Variants in PDE5A observed in about 807,000 individuals in gnomAD.
PDE5A encodes cGMP-specific 3',5'-cyclic phosphodiesterase.
PDE5A carries 67 observed loss-of-function variants against 110.2 expected under a neutral mutation model. The observed-to-expected ratio is 0.61, with a 90% CI of 0.50 to 0.75. The LOEUF is 0.75. PDE5A is among the 30% of genes least tolerant of loss of function. The probability of loss-of-function intolerance (pLI) is 0.00; values close to 1 mark genes in which losing one functional copy is unlikely to be tolerated. For synonymous variants in PDE5A, 328 were observed against 351.2 expected (o/e 0.93, Z 0.74); for missense variants, 862 against 1,045.1 (o/e 0.82, Z 2.42).
intron 3 of PDE5A, among the ~76,000 whole-genome samples, chr4:119,591,119 G>C (rs1728949299): frequency 1.3e-5 from 2 of 152,190 alleles, no homozygotes; most frequent in African/African-American, 4.8e-5. Flanking sequence ...GACTATGTCA[G>C]GGGCTGTGTT....
At chr4:119,534,152 C>T (rs1488590657) in intron 11 of PDE5A, among the ~76,000 whole-genome samples, 1 of 152,152 alleles carries the variant, frequency 6.6e-6, no homozygotes, top group Non-Finnish European at 1.5e-5. Context: ...ATCAATGTCT[C>T]AATCGATGGT....
In PDE5A at chr4:119,627,116, G is replaced by A; in HGVS notation, c.152+1404C>T. The A allele has an allele frequency of 6.2e-7, 1 of 1,610,042 alleles. No homozygotes were observed. Among genetic ancestry groups the A allele is most frequent in the Non-Finnish European group, 8.5e-7 (1 of 1,177,834 alleles). ...GACCCGCCGCGCCCCCGGAAAAAGT[G>A]GGAAGGGACGTAGGGGGATGCTGAA... is the stretch of plus-strand genomic sequence containing the variant. On this transcript the variant is annotated intron_variant, in intron 1 of 20. Coordinates refer to ENST00000354960, the MANE Select transcript of PDE5A (RefSeq NM_001083.4). This position sits in a 1 kb window ranked among gnomAD's most constrained non-coding sequence, Gnocchi z 4.6.
At chr4:119,546,442 T>C (rs1296996825) in intron 9 of PDE5A, among the ~76,000 whole-genome samples, 2 of 152,152 alleles carry the variant, frequency 1.3e-5, no homozygotes, top group Non-Finnish European at 2.9e-5. Flanking sequence ...CATTTAGACT[T>C]TCTGTTCTGT....
chr4:119,609,584 C>A (rs903704994), intron 1 of PDE5A, among the ~76,000 whole-genome samples: 2 of 152,010 alleles, frequency 1.3e-5, no homozygotes, highest in African/African-American at 4.8e-5. Context: ...AATGATACCC[C>A]ATCTAGAATG....
At chr4:119,502,488 C>A in intron 19 of PDE5A, 93 bp downstream of exon 19, 1 of 706,012 alleles carries the variant, frequency 1.4e-6, no homozygotes. Context: ...AAATTGTGGT[C>A]CTAAGGAAAG....
chr4:119,571,521 A>G (rs1441595418), intron 3 of PDE5A, among the ~76,000 whole-genome samples: 1 of 152,166 alleles, frequency 6.6e-6, no homozygotes, highest in Non-Finnish European at 1.5e-5. Flanking sequence ...TGGAGGCTAG[A>G]AGGGCCAAGA....
At chr4:119,501,114 G>C in intron 20 of PDE5A, 56 bp downstream of exon 20, 1 of 1,024,748 alleles carries the variant, frequency 9.8e-7, no homozygotes, top group Non-Finnish European at 1.5e-6. Flanking sequence ...TTCAATTTTA[G>C]GTTCTAATTC....
intron 1 of PDE5A, among the ~76,000 whole-genome samples, chr4:119,623,093 G>C (rs183932320): frequency 3.6e-4 from 54 of 150,458 alleles, no homozygotes; most frequent in Admixed American, 1.2e-3. Flanking sequence ...TAAGATTACA[G>C]AGCTAAATAT....
chr4:119,522,401 CTT>C (rs1479550015), intron 12 of PDE5A, among the ~76,000 whole-genome samples: 3 of 151,840 alleles, frequency 2.0e-5, no homozygotes, highest in Non-Finnish European at 4.4e-5. Context: ...TACTGAGAGA[CTT>C]TTAAGTAAGA....
At chr4:119,567,637 T>G (rs1727989223) in intron 3 of PDE5A, among the ~76,000 whole-genome samples, 1 of 152,210 alleles carries the variant, frequency 6.6e-6, no homozygotes, top group Non-Finnish European at 1.5e-5. Context: ...AAAATAATTC[T>G]TAATGTAGGG....
intron 18 of PDE5A, 71 bp downstream of exon 18, chr4:119,504,465 T>C: frequency 8.8e-7 from 1 of 1,135,402 alleles, no homozygotes. Flanking sequence ...GGTAGATACC[T>C]AGTAGTGGGA....
chr4:119,509,533 G>T (rs1404439032), intron 15 of PDE5A, among the ~76,000 whole-genome samples: 1 of 151,928 alleles, frequency 6.6e-6, no homozygotes, highest in East Asian at 1.9e-4. Flanking sequence ...CGAGCCAAAG[G>T]GAGGGCTTTT....
intron 3 of PDE5A, among the ~76,000 whole-genome samples, chr4:119,568,299 A>G (rs1728018699): frequency 6.6e-6 from 1 of 152,072 alleles, no homozygotes; most frequent in Admixed American, 6.6e-5. Context: ...AGATGCTCTA[A>G]CCTCAGTGAC....
chr4:119,609,666 G>C lies in PDE5A; in HGVS notation c.153-2369C>G, dbSNP rs149371274. ...TCAAGAGTTGAATACAGTTATAAAAGTCTCCAAAAAGTTTAGGAGAAATAA... is the reference window on the plus strand; with the variant it reads ...TCAAGAGTTGAATACAGTTATAAAACTCTCCAAAAAGTTTAGGAGAAATAA... On this transcript the variant is annotated intron_variant, in intron 1 of 20. Transcript: ENST00000354960. Among the ~76,000 whole-genome samples, 593 of 152,154 alleles carry C rather than the reference G, an allele frequency of 3.9e-3. 5 individuals are homozygous for C. Among genetic ancestry groups the C allele is most frequent in the African/African-American group, 0.013 (541 of 41,506 alleles).
At chr4:119,550,478 A>C (rs1042304348) in intron 9 of PDE5A, 2 of 152,196 alleles carry the variant, frequency 1.3e-5, no homozygotes, top group African/African-American at 4.8e-5. Context: ...GCTGAAGATG[A>C]GTGGCGCTAA....
intron 15 of PDE5A, among the ~76,000 whole-genome samples, chr4:119,510,110 G>A (rs1035793553): frequency 1.3e-5 from 2 of 152,056 alleles, no homozygotes; most frequent in African/African-American, 4.8e-5. Context: ...GCCTACCAGT[G>A]CAGTAACAGA....
intron 11 of PDE5A, among the ~76,000 whole-genome samples, chr4:119,531,326 T>C (rs978320513): frequency 6.6e-6 from 1 of 152,178 alleles, no homozygotes; most frequent in Non-Finnish European, 1.5e-5. Flanking sequence ...TCATCCAGAC[T>C]GGAGTGCAGT....
intron 3 of PDE5A, among the ~76,000 whole-genome samples, chr4:119,582,456 T>C (rs956215147): frequency 6.6e-6 from 1 of 152,214 alleles, no homozygotes; most frequent in Admixed American, 6.5e-5. Context: ...AAGTCATCCA[T>C]GAAGGCTGGA....
intron 14 of PDE5A, 39 bp from the exon 15 acceptor site, chr4:119,511,173 T>C (rs1159439793): frequency 1.1e-5 from 14 of 1,239,000 alleles, no homozygotes; most frequent in African/African-American, 3.0e-5. Context: ...AAAGATCAGT[T>C]TCCTTAATAT....
Sources: gnomAD v4.1 joint callset for allele counts (sites outside exome capture counted in the v4.1 genomes callset) on GRCh38, gnomAD v4.1.1 for gene constraint, Gnocchi (gnomAD v3.1) non-coding constraint, MANE v1.5 for transcripts, NCBI Gene and HGNC (gene_info 2026-07-23, HGNC 2026-07-21) for gene names.